The following IL21R variants were observed in gnomAD, a reference collection of about 807,000 sequenced individuals.
IL21R encodes interleukin 21 receptor, also known as interleukin-21 receptor.
IL21R carries 14 observed loss-of-function variants against 41.3 expected under a neutral mutation model. The ratio of observed to expected loss-of-function variants is 0.34; its 90% CI spans 0.22 to 0.53. IL21R has a LOEUF of 0.53. Among genes scored for constraint, IL21R ranks in the 20% least tolerant of loss-of-function variants. IL21R has a pLI of 0.94. For missense variants in IL21R, 588 were observed against 681.6 expected, an observed-to-expected ratio of 0.86 and a Z score of 1.53; for synonymous variants, 286 against 287.6, an observed-to-expected ratio of 0.99 and a Z score of 0.05.
intron 4 of IL21R, among the ~76,000 whole-genome samples, chr16:27,442,080 T>C (rs1333044025): frequency 1.3e-5 from 2 of 152,234 alleles, no homozygotes; most frequent in Non-Finnish European, 2.9e-5. Context: ...ATTCTGCACC[T>C]CATATTGAAA....
intron 1 of IL21R, among the ~76,000 whole-genome samples, chr16:27,411,652 T>C (rs2086825100): frequency 6.6e-6 from 1 of 151,866 alleles, no homozygotes; most frequent in African/African-American, 2.4e-5. Flanking sequence ...TTAGTAGAGA[T>C]GGGATTTCGC....
intron 1 of IL21R, among the ~76,000 whole-genome samples, chr16:27,425,923 G>A (rs977692339): frequency 3.3e-5 from 5 of 152,170 alleles, no homozygotes; most frequent in East Asian, 1.9e-4. Context: ...GCAGGCAGTA[G>A]CATGTCACTA....
At chr16:27,418,167 T>C (rs1423727998) in intron 1 of IL21R, among the ~76,000 whole-genome samples, 1 of 151,466 alleles carries the variant, frequency 6.6e-6, no homozygotes, top group Non-Finnish European at 1.5e-5. Flanking sequence ...CCTCCCGGGT[T>C]CACGCCATTC....
At chr16:27,404,084 G>A (rs1471571399) in intron 1 of IL21R, among the ~76,000 whole-genome samples, 1 of 152,208 alleles carries the variant, frequency 6.6e-6, no homozygotes, top group East Asian at 1.9e-4. Flanking sequence ...CTGGGAAGCA[G>A]CATTGGATGG....
intron 1 of IL21R, among the ~76,000 whole-genome samples, chr16:27,428,089 C>T (rs2087107654): frequency 6.6e-6 from 1 of 152,150 alleles, no homozygotes; most frequent in Non-Finnish European, 1.5e-5. Context: ...TCTGAGACCC[C>T]CTCTGTTTCT....
Position 27,434,379 on chromosome 16 carries a change from G to A in IL21R, c.82G>A (p.Asp28Asn), listed in dbSNP as rs750205454. ...WGCPDLVCYT[D>N]YLQTVICILE... The stretch of plus-strand genomic sequence containing the variant: ...CTGCCCCGACCTCGTCTGCTACACC[G>A]ATTACCTCCAGACGGTCATCTGCAT... The change falls in exon 3 of 9, where the codon GAT becomes AAT. Residue 28 changes from aspartate (D) to asparagine (N), a missense_variant. Physicochemically the swap from Asp to Asn is conservative, Grantham distance 23. Transcript: ENST00000337929. 18 of 1,613,868 alleles carry A rather than the reference G, an allele frequency of 1.1e-5. No homozygotes were observed. Among genetic ancestry groups the A allele is most frequent in the South Asian group, 2.2e-5 (2 of 91,068 alleles).
chr16:27,403,746 G>C (rs540355363), intron 1 of IL21R, among the ~76,000 whole-genome samples: 1 of 152,282 alleles, frequency 6.6e-6, no homozygotes, highest in Admixed American at 6.5e-5. Flanking sequence ...ATGGAGACGG[G>C]CCCGACTCCA....
At position 27,451,919 on chromosome 16, in the gene IL21R, G is replaced by C. The variant is rs550452050; in HGVS notation, c.*2636G>C. The C allele has an allele frequency of 1.3e-5, 3 of 229,824 alleles. No individual in the cohort carries two copies. The highest frequency in any genetic ancestry group is 2.6e-5 in the Non-Finnish European group (3 of 115,970). 14.2% of individuals were successfully genotyped at this position (229,824 alleles called of 1,614,324 possible). A position where few individuals can be genotyped will look rare whatever the true frequency, so the allele number is the denominator to read the frequency against. On this transcript the variant is annotated 3_prime_UTR_variant, in exon 9 of 9. Coordinates refer to ENST00000337929, the MANE Select transcript of IL21R (RefSeq NM_181078.3). ...ATTGGTTGGATAGACAGAGATAAAT[G>C]CATACTGGAAACAAAGATAAAGATA...
In IL21R at chr16:27,437,471, C is replaced by A; in HGVS notation, c.153-17C>A. 6.2e-7 allele frequency: 1 copy of A among 1,610,492 alleles called. No homozygotes were observed. The highest frequency in any genetic ancestry group is 8.5e-7 in the Non-Finnish European group (1 of 1,178,550). On this transcript the variant is annotated splice_polypyrimidine_tract_variant and intron_variant, in intron 3 of 8. Coordinates refer to ENST00000337929, the MANE Select transcript of IL21R (RefSeq NM_181078.3). ...GCCCCTGGCTTCCAGCCATGACCGGCTGCTTTGTCCTTGAAGGCAAGACCA... is the reference window on the plus strand; with the variant it reads ...GCCCCTGGCTTCCAGCCATGACCGGATGCTTTGTCCTTGAAGGCAAGACCA...
rs2087472224 is a variant in IL21R, at chr16:27,446,056, C to T, written c.835C>T (p.Pro279Ser). The T allele has an allele frequency of 2.5e-6, 4 of 1,613,754 alleles. No homozygotes were observed. The highest frequency in any genetic ancestry group is 2.2e-5 in the South Asian group (2 of 91,030). Residue 279 changes from proline (P) to serine (S), a missense_variant, in exon 8 of 9, where the codon CCC (proline) becomes TCC (serine). Physicochemically the swap from Pro to Ser is moderately conservative, Grantham distance 74. Coordinates refer to ENST00000337929, the MANE Select transcript of IL21R (RefSeq NM_181078.3). ...AVPSPERFFM[P>S]LYKGCSGDFK... ...CCCCAGCCCTGAGCGGTTCTTCATG[C>T]CCCTGTACAAGGGCTGCAGCGGAGA...
intron 1 of IL21R, among the ~76,000 whole-genome samples, chr16:27,422,282 A>G (rs1286963241): frequency 6.6e-6 from 1 of 151,608 alleles, no homozygotes; most frequent in African/African-American, 2.4e-5. Context: ...TATTTATCCT[A>G]TTTGTGGTTT....
intron 4 of IL21R, among the ~76,000 whole-genome samples, chr16:27,438,723 T>G (rs1336549266): frequency 1.3e-5 from 2 of 150,790 alleles, no homozygotes; most frequent in African/African-American, 2.4e-5. Context: ...CAAAAAAATT[T>G]GCCGGGCGTG....
At position 27,450,723 on chromosome 16, in the gene IL21R, C is replaced by G. The variant is rs2087581127; in HGVS notation, c.*1440C>G. 9.0e-6 allele frequency: 2 copies of G among 223,448 alleles called. No individual in the cohort carries two copies. The highest frequency in any genetic ancestry group is 2.2e-5 in the African/African-American group (1 of 44,806). The allele number at this position is 223,448 out of a possible 1,614,324, so 13.8% of individuals were successfully genotyped here. ...GTCAGCCCCAGAGTAGCTGGAATTACAGGCACACACCACCACGCCTGGCTA... is the reference window on the plus strand; with the variant it reads ...GTCAGCCCCAGAGTAGCTGGAATTAGAGGCACACACCACCACGCCTGGCTA... On this transcript the variant is annotated 3_prime_UTR_variant, in exon 9 of 9. Coordinates refer to ENST00000337929, the MANE Select transcript of IL21R (RefSeq NM_181078.3).
chr16:27,416,234 T>G (rs1459233976), intron 1 of IL21R, among the ~76,000 whole-genome samples: 1 of 152,170 alleles, frequency 6.6e-6, no homozygotes, highest in African/African-American at 2.4e-5. Flanking sequence ...CCTTCCGGAT[T>G]CAAGCGATTC....
chr16:27,439,361 TACAC>T (rs145409668), intron 4 of IL21R, among the ~76,000 whole-genome samples: 124 of 139,256 alleles, frequency 8.9e-4, no homozygotes, highest in East Asian at 2.4e-3. Context: ...CACACATACA[TACAC>T]ACACACACAC....
At chr16:27,417,722 C>A (rs982229463) in intron 1 of IL21R, among the ~76,000 whole-genome samples, 8 of 152,124 alleles carry the variant, frequency 5.3e-5, no homozygotes, top group African/African-American at 1.9e-4. Flanking sequence ...AACTGTAACA[C>A]AATTGTAAGT....
chr16:27,442,431 T>C (rs1361304929), intron 4 of IL21R, among the ~76,000 whole-genome samples: 2 of 152,202 alleles, frequency 1.3e-5, no homozygotes, highest in Non-Finnish European at 2.9e-5. Flanking sequence ...TGGCGCAATC[T>C]TGGCTCACTC....
chr16:27,429,525 A>G (rs1428157178), intron 1 of IL21R, among the ~76,000 whole-genome samples: 1 of 152,110 alleles, frequency 6.6e-6, no homozygotes, highest in Admixed American at 6.5e-5. Flanking sequence ...TCATCCCAGC[A>G]CTTTGAGAGG....
intron 1 of IL21R, among the ~76,000 whole-genome samples, chr16:27,417,566 T>C (rs890550426): frequency 6.6e-6 from 1 of 152,210 alleles, no homozygotes; most frequent in African/African-American, 2.4e-5. Flanking sequence ...AATGTGTCAT[T>C]AGGTAATTTT....
Sources: allele counts gnomAD v4.1 joint callset (sites outside exome capture counted in the v4.1 genomes callset), GRCh38; gene constraint gnomAD v4.1.1; transcripts MANE v1.5; gene names NCBI Gene and HGNC (gene_info 2026-07-23, HGNC 2026-07-21).